The following SNX29 variants were observed in gnomAD, a reference collection of about 807,000 sequenced individuals.
SNX29 encodes the protein sorting nexin-29.
A neutral mutation model predicts 102.1 loss-of-function variants in SNX29; 78 were observed. That is an observed-to-expected ratio of 0.76 (90% CI 0.64 to 0.92). The LOEUF is 0.92. SNX29 is among the 40% of genes least tolerant of loss of function. The pLI is 0.00. For synonymous variants in SNX29, 580 were observed against 414.5 expected, an observed-to-expected ratio of 1.40 and a Z score of -4.85; for missense variants, 1,280 against 1,061.7, an observed-to-expected ratio of 1.21 and a Z score of -2.86.
intron 13 of SNX29, among the ~76,000 whole-genome samples, chr16:12,157,602 G>A (rs1011382691): frequency 4.6e-5 from 7 of 152,156 alleles, no homozygotes; most frequent in African/African-American, 1.4e-4. Flanking sequence ...CCTTTGAAAC[G>A]TGGTTATGAA....
At chr16:12,260,102 C>T (rs1005419481) in intron 14 of SNX29, among the ~76,000 whole-genome samples, 1 of 152,212 alleles carries the variant, frequency 6.6e-6, no homozygotes, top group African/African-American at 2.4e-5. Context: ...TGACCTGACC[C>T]TATGGCATTC....
chr16:12,543,781 A>G (rs776415982), intron 20 of SNX29, among the ~76,000 whole-genome samples: 2 of 152,234 alleles, frequency 1.3e-5, no homozygotes, highest in Admixed American at 6.5e-5. Context: ...TCCAAGATGT[A>G]TCTGGTGCTC....
intron 14 of SNX29, among the ~76,000 whole-genome samples, chr16:12,228,017 T>G (rs1233478352): frequency 6.6e-6 from 1 of 150,744 alleles, no homozygotes; most frequent in Non-Finnish European, 1.5e-5. Flanking sequence ...GGCCCACGCC[T>G]GTAATCTCAG....
At position 12,573,754 on chromosome 16, in the gene SNX29, T is replaced by G. The variant is rs1598146554; in HGVS notation, c.*5125T>G. ...ATCGTACATTTGCACCCAGAGCTACTAAACGCTCAGTGACCCCAGAGACCA... is the reference window on the plus strand; with the variant it reads ...ATCGTACATTTGCACCCAGAGCTACGAAACGCTCAGTGACCCCAGAGACCA... On this transcript the variant is annotated 3_prime_UTR_variant, in exon 21 of 21. Transcript: ENST00000566228. 4.5e-6 allele frequency: 1 copy of G among 223,272 alleles called. No homozygotes were observed. Among genetic ancestry groups the G allele is most frequent in the Non-Finnish European group, 8.9e-6 (1 of 111,770 alleles). 13.8% of individuals were successfully genotyped at this position (223,272 alleles called of 1,614,324 possible).
At chr16:12,556,104 G>T (rs914582330) in intron 20 of SNX29, among the ~76,000 whole-genome samples, 1 of 152,148 alleles carries the variant, frequency 6.6e-6, no homozygotes, top group African/African-American at 2.4e-5. Context: ...TCATTGAGAA[G>T]TATGGGTTAT....
At chr16:12,304,052 A>G (rs562445273) in intron 15 of SNX29, among the ~76,000 whole-genome samples, 3 of 152,330 alleles carry the variant, frequency 2.0e-5, no homozygotes, top group East Asian at 1.9e-4. Context: ...GTTGTTGCCT[A>G]TGCATATCGT....
rs149170954 is a variant in SNX29, at chr16:12,554,225, G to A, written c.2319-14281G>A. On this transcript the variant is annotated intron_variant, in intron 20 of 20. Transcript: ENST00000566228. Reference sequence around the variant, plus strand: ...ACGATGAGCATATATAGAGCAAAACGTGAACATCTCCCTCGGCTGCATCGT... The same window carrying A: ...ACGATGAGCATATATAGAGCAAAACATGAACATCTCCCTCGGCTGCATCGT... 1.4e-3 allele frequency among the ~76,000 whole-genome samples: 216 copies of A among 152,326 alleles called. 1 individual carries two copies. The highest frequency in any genetic ancestry group is 3.9e-3 in the African/African-American group (164 of 41,564).
chr16:12,174,164 C>G (rs1195267834), intron 13 of SNX29, among the ~76,000 whole-genome samples: 2 of 152,224 alleles, frequency 1.3e-5, no homozygotes, highest in Non-Finnish European at 2.9e-5. Flanking sequence ...TTCCTGTTAA[C>G]TCCCCCTCTA....
chr16:12,278,169 G>A lies in SNX29; in HGVS notation c.1782+133G>A, dbSNP rs117496039. The A allele has an allele frequency of 6.0e-4, 414 of 695,358 alleles. 4 individuals are homozygous for A. The East Asian group carries it at 0.011, about 18-fold the overall frequency. The allele number at this position is 695,358 out of a possible 1,614,324, so 43.1% of individuals were successfully genotyped here. A position where few individuals can be genotyped will look rare whatever the true frequency, so the allele number is the denominator to read the frequency against. On this transcript the variant is annotated intron_variant, in intron 15 of 20. Coordinates refer to ENST00000566228, the MANE Select transcript of SNX29 (RefSeq NM_032167.5). ...CAACTCCTCAGCCCCACAAAACAAA[G>A]CAAGACCAAATCAGTGTGCTTTATA...
chr16:12,273,954 G>A (rs2079168566), intron 14 of SNX29, among the ~76,000 whole-genome samples: 1 of 152,190 alleles, frequency 6.6e-6, no homozygotes, highest in Admixed American at 6.5e-5. Context: ...AACCCTGCAT[G>A]GCTAGACCGC....
At chr16:12,135,071 C>G (rs568832460) in intron 13 of SNX29, among the ~76,000 whole-genome samples, 1 of 152,190 alleles carries the variant, frequency 6.6e-6, no homozygotes, top group African/African-American at 2.4e-5. Context: ...CATGTCCCAG[C>G]TCAAGCATAG....
chr16:12,335,182 G>A (rs764427343), intron 15 of SNX29, among the ~76,000 whole-genome samples: 2 of 151,946 alleles, frequency 1.3e-5, no homozygotes, highest in African/African-American at 2.4e-5. Context: ...TCATCATCTC[G>A]CTATTGTCTT....
Position 12,277,968 on chromosome 16 carries a change from G to A in SNX29, c.1714G>A (p.Val572Ile), listed in dbSNP as rs1209636041. The A allele has an allele frequency of 6.2e-7, 1 of 1,609,424 alleles. No homozygotes were observed. The highest frequency in any genetic ancestry group is 1.3e-5 in the African/African-American group (1 of 74,872). The change falls in exon 15 of 21, where the codon GTA becomes ATA. Residue 572 changes from valine to isoleucine, a missense_variant. Physicochemically the swap from Val to Ile is conservative, Grantham distance 29. Coordinates refer to ENST00000566228, the MANE Select transcript of SNX29 (RefSeq NM_032167.5). ...TTGGAGTGTTGATGGAGAAGTTACA[G>A]TAGCTGAACAGAAGCCGGGAGAAAT... ...NLWSVDGEVT[V>I]AEQKPGEIAE...
At chr16:12,554,753 T>C (rs1004104752) in intron 20 of SNX29, among the ~76,000 whole-genome samples, 75 of 152,174 alleles carry the variant, frequency 4.9e-4, no homozygotes, top group South Asian at 2.5e-3. Flanking sequence ...CTTAAGTGTA[T>C]TAGAACGTGC....
Position 12,572,931 on chromosome 16 carries a change from A to AG in SNX29, c.*4304dup, listed in dbSNP as rs1280898400. The AG allele has an allele frequency of 1.1e-6, 1 of 894,090 alleles. No homozygotes were observed. Among genetic ancestry groups the AG allele is most frequent in the African/African-American group, 1.7e-5 (1 of 57,202 alleles). The allele number at this position is 894,090 out of a possible 1,614,324, so 55.4% of individuals were successfully genotyped here. A position where few individuals can be genotyped will look rare whatever the true frequency, so the allele number is the denominator to read the frequency against. Reference sequence around the variant, plus strand: ...ACGGCAGACTTGGAGTGTTTCTTCAAGGCAGGCATCTGCTTATGAGCAAGG... The same window carrying AG: ...ACGGCAGACTTGGAGTGTTTCTTCAAGGGCAGGCATCTGCTTATGAGCAAGG... On this transcript the variant is annotated 3_prime_UTR_variant, in exon 21 of 21. Transcript: ENST00000566228.
At chr16:12,242,772 GC>G (rs1055916378) in intron 14 of SNX29, among the ~76,000 whole-genome samples, 1 of 151,600 alleles carries the variant, frequency 6.6e-6, no homozygotes, top group African/African-American at 2.4e-5. Context: ...TCCCACCTCA[GC>G]CCCACCCTGA....
intron 14 of SNX29, among the ~76,000 whole-genome samples, chr16:12,275,092 T>G (rs2079204115): frequency 6.6e-6 from 1 of 152,214 alleles, no homozygotes; most frequent in African/African-American, 2.4e-5. Context: ...AGATGTCTAC[T>G]CAGGTGTTGG....
chr16:12,300,727 T>C (rs2080143599), intron 15 of SNX29, among the ~76,000 whole-genome samples: 1 of 152,214 alleles, frequency 6.6e-6, no homozygotes, highest in Admixed American at 6.5e-5. Context: ...CTCCGTGGAT[T>C]GTCTAAAGTA....
chr16:12,337,810 G>A (rs1332737695), intron 15 of SNX29, among the ~76,000 whole-genome samples: 1 of 152,188 alleles, frequency 6.6e-6, no homozygotes, highest in African/African-American at 2.4e-5. Context: ...GCCATTGTCA[G>A]CATCTTCCCT....
Sources: gnomAD v4.1 joint callset for allele counts (sites outside exome capture counted in the v4.1 genomes callset) on GRCh38, gnomAD v4.1.1 for gene constraint, MANE v1.5 for transcripts, NCBI Gene and HGNC (gene_info 2026-07-23, HGNC 2026-07-21) for gene names.